Variants in RIMBP2 observed in about 807,000 individuals in gnomAD.
RIMBP2 encodes RIMS binding protein 2.
In RIMBP2, 48 loss-of-function variants were observed where a neutral mutation model predicts 118.6. That is an observed-to-expected ratio of 0.40 (90% confidence interval 0.32 to 0.51). RIMBP2 has a LOEUF of 0.51. Among genes scored for constraint, RIMBP2 ranks in the 20% least tolerant of loss-of-function variants. The pLI is 0.41. For synonymous variants in RIMBP2, 762 were observed against 742.9 expected (o/e 1.03, Z -0.42); for missense variants, 1,551 against 1,768.3 (o/e 0.88, Z 2.20).
At chr12:130,423,673 A>G (rs1352991803) in intron 16 of RIMBP2, among the ~76,000 whole-genome samples, 1 of 148,084 alleles carries the variant, frequency 6.8e-6, no homozygotes, top group Non-Finnish European at 1.5e-5. Context: ...AAAAAAAAAA[A>G]AAATAGATTT....
At chr12:130,567,581 C>T (rs1049741886) in intron 2 of RIMBP2, among the ~76,000 whole-genome samples, 1 of 152,152 alleles carries the variant, frequency 6.6e-6, no homozygotes, top group Non-Finnish European at 1.5e-5. Context: ...TCCAGTTGCC[C>T]CCCACATAAC....
intron 1 of RIMBP2, among the ~76,000 whole-genome samples, chr12:130,659,714 C>G (rs1283386751): frequency 6.6e-6 from 1 of 151,292 alleles, no homozygotes; most frequent in Non-Finnish European, 1.5e-5. Context: ...GGCTCATGCC[C>G]GTAATCCCAG....
intron 1 of RIMBP2, among the ~76,000 whole-genome samples, chr12:130,675,636 T>C (rs2064424763): frequency 6.6e-6 from 1 of 152,150 alleles, no homozygotes; most frequent in African/African-American, 2.4e-5. Flanking sequence ...CCGAAACTGC[T>C]CTCTGAGAGC....
At chr12:130,596,109 C>A (rs2059543612) in intron 2 of RIMBP2, among the ~76,000 whole-genome samples, 1 of 152,182 alleles carries the variant, frequency 6.6e-6, no homozygotes, top group African/African-American at 2.4e-5. Flanking sequence ...CATTTCAGAC[C>A]TTCCCTTTGA....
Position 130,564,281 on chromosome 12 carries a change from C to G in RIMBP2, c.-216-46364G>C, listed in dbSNP as rs555818648. Among the ~76,000 whole-genome samples, 22 of 152,128 alleles carry G rather than the reference C, an allele frequency of 1.4e-4. No individual in the cohort carries two copies. The South Asian group carries it at 4.6e-3, about 32-fold the overall frequency. ...ACCCTGACCACCTTTTACAACTTCT[C>G]AGATGTCCCCTTCCTCCTTATTTTA... On this transcript the variant is annotated intron_variant, in intron 2 of 22. Coordinates refer to ENST00000690449, the MANE Select transcript of RIMBP2 (RefSeq NM_001393629.1).
intron 3 of RIMBP2, among the ~76,000 whole-genome samples, chr12:130,508,186 C>T (rs191844799): frequency 1.3e-5 from 2 of 152,166 alleles, no homozygotes; most frequent in Admixed American, 1.3e-4. Context: ...CTTCTTGCAT[C>T]CTAGCTGTTC....
intron 2 of RIMBP2, among the ~76,000 whole-genome samples, chr12:130,610,586 A>G (rs2060472247): frequency 2.1e-5 from 2 of 94,216 alleles, no homozygotes; most frequent in Admixed American, 1.8e-4. Flanking sequence ...TTTGAGACGG[A>G]GTCTCGCTCT....
chr12:130,487,478 C>T (rs1555267247), intron 4 of RIMBP2, among the ~76,000 whole-genome samples: 1 of 152,202 alleles, frequency 6.6e-6, no homozygotes, highest in Admixed American at 6.5e-5. Flanking sequence ...CCTGCTCCCA[C>T]TTTGCCTTCT....
At chr12:130,607,488 C>T (rs979483183) in intron 2 of RIMBP2, among the ~76,000 whole-genome samples, 3 of 152,044 alleles carry the variant, frequency 2.0e-5, no homozygotes, top group Non-Finnish European at 4.4e-5. Flanking sequence ...GTTTCTGCCA[C>T]GTCTCCACAC....
chr12:130,664,399 G>GCACACA (rs2063791195), intron 1 of RIMBP2, among the ~76,000 whole-genome samples: 1 of 48,320 alleles, frequency 2.1e-5, no homozygotes, highest in African/African-American at 5.6e-5. Flanking sequence ...GCACACACAC[G>GCACACA]CACGCACGCA....
intron 1 of RIMBP2, among the ~76,000 whole-genome samples, chr12:130,651,212 T>G (rs2063218685): frequency 6.6e-6 from 1 of 152,040 alleles, no homozygotes; most frequent in African/African-American, 2.4e-5. Flanking sequence ...CTTTTCAATT[T>G]TATTCTGCAG....
intron 1 of RIMBP2, among the ~76,000 whole-genome samples, chr12:130,631,440 G>T (rs1249372664): frequency 6.6e-6 from 1 of 152,080 alleles, no homozygotes; most frequent in Non-Finnish European, 1.5e-5. Flanking sequence ...GTGACATTTG[G>T]GGCCAGGTAA....
intron 1 of RIMBP2, among the ~76,000 whole-genome samples, chr12:130,698,308 T>G (rs1262286029): frequency 6.6e-6 from 1 of 152,146 alleles, no homozygotes; most frequent in African/African-American, 2.4e-5. Context: ...GTCCTTAACT[T>G]GCTCACTTCA....
In RIMBP2 at chr12:130,434,767, G is replaced by C. The variant is rs377575822; in HGVS notation, c.2220C>G (p.Asp740Glu). The C allele has an allele frequency of 6.2e-7, 1 of 1,613,630 alleles. No homozygotes were observed. The change falls in exon 14 of 23, where the codon GAC becomes GAG. Residue 740 changes from aspartate to glutamate, a missense_variant. By Grantham distance (45) the Asp-to-Glu change is conservative. Transcript: ENST00000690449. This position sits in a 1 kb window ranked among gnomAD's most constrained non-coding sequence, Gnocchi z 5.7. Reference protein sequence around the residue: ...PDFKRRGASVDDFLKGSELGK... With the variant: ...PDFKRRGASVEDFLKGSELGK... ...CAAGTTCAGAGCCTTTCAGGAAGTCGTCCACCGAGGCGCCCCTCCTCTTGA... is the reference window on the plus strand; with the variant it reads ...CAAGTTCAGAGCCTTTCAGGAAGTCCTCCACCGAGGCGCCCCTCCTCTTGA...
intron 2 of RIMBP2, among the ~76,000 whole-genome samples, chr12:130,601,090 T>C (rs918375169): frequency 2.0e-5 from 3 of 152,162 alleles, no homozygotes; most frequent in Non-Finnish European, 4.4e-5. Context: ...TGAGCATTTA[T>C]ACACCTTGTC....
intron 2 of RIMBP2, among the ~76,000 whole-genome samples, chr12:130,526,156 T>C (rs185026897): frequency 6.6e-6 from 1 of 152,214 alleles, no homozygotes; most frequent in East Asian, 1.9e-4. Context: ...ACAGATACAG[T>C]CTTGGGGGCC....
Position 130,617,773 on chromosome 12 carries a change from TG to T in RIMBP2, c.-217+10548del, listed in dbSNP as rs1266428013. Among the ~76,000 whole-genome samples the T allele has an allele frequency of 6.6e-6, 1 of 152,204 alleles. No individual in the cohort carries two copies. Among genetic ancestry groups the T allele is most frequent in the African/African-American group, 2.4e-5 (1 of 41,462 alleles). On this transcript the variant is annotated intron_variant, in intron 2 of 22. Transcript: ENST00000690449. The surrounding 1 kb of genome is among the most constrained non-coding windows in gnomAD (Gnocchi z 4.6). ...AGAATGCACGCAAATTAGATTATTC[TG>T]GTAGAACAGGAATCACTCCGTTGTC...
At chr12:130,679,675 C>A (rs1359009890) in intron 1 of RIMBP2, among the ~76,000 whole-genome samples, 1 of 152,220 alleles carries the variant, frequency 6.6e-6, no homozygotes, top group Non-Finnish European at 1.5e-5. Context: ...GCTTAAAAAA[C>A]AAACACTCTG....
chr12:130,508,360 T>C (rs1385167683), intron 3 of RIMBP2, among the ~76,000 whole-genome samples: 1 of 151,688 alleles, frequency 6.6e-6, no homozygotes, highest in African/African-American at 2.4e-5. Flanking sequence ...TCCTTGGTGG[T>C]CTAAAAGTCC....
Sources: gnomAD v4.1 joint callset for allele counts (sites outside exome capture counted in the v4.1 genomes callset) on GRCh38, gnomAD v4.1.1 for gene constraint, Gnocchi (gnomAD v3.1) non-coding constraint, MANE v1.5 for transcripts, NCBI Gene and HGNC (gene_info 2026-07-23, HGNC 2026-07-21) for gene names.